The following UPF1 variants were observed in gnomAD, a reference collection of about 807,000 sequenced individuals.
UPF1 encodes the protein UPF1 RNA helicase and ATPase.
In UPF1, 9 loss-of-function variants were observed where a neutral mutation model predicts 129.2. The ratio of observed to expected loss-of-function variants is 0.07; its 90% CI spans 0.04 to 0.12. The LOEUF is 0.12. Among genes scored for constraint, UPF1 ranks in the 10% least tolerant of loss-of-function variants. The probability of loss-of-function intolerance (pLI) is 1.00; values close to 1 mark genes in which losing one functional copy is unlikely to be tolerated. For missense variants in UPF1, 788 were observed against 1,525.3 expected, an observed-to-expected ratio of 0.52 and a Z score of 8.05; for synonymous variants, 649 against 644.9, an observed-to-expected ratio of 1.01 and a Z score of -0.10.
At chr19:18,842,464 G>A (rs1274820159) in intron 1 of UPF1, among the ~76,000 whole-genome samples, 1 of 152,094 alleles carries the variant, frequency 6.6e-6, no homozygotes, top group African/African-American at 2.4e-5. Context: ...GCAGGGGGAT[G>A]TGATGGAGAG....
rs1285707869 is a variant in UPF1, at chr19:18,857,313, C to G, written c.1969-7C>G. 6.2e-7 allele frequency: 1 copy of G among 1,609,056 alleles called. No individual in the cohort carries two copies. Among genetic ancestry groups the G allele is most frequent in the South Asian group, 1.1e-5 (1 of 90,536 alleles). ...TTCTTGACTTGTGGGGGCCCCTGTT[C>G]CTACAGCTGATCCTTGTAGGCGACC... On this transcript the variant is annotated splice_region_variant and splice_polypyrimidine_tract_variant and intron_variant, in intron 14 of 23. Transcript: ENST00000262803.
chr19:18,854,513 A>G, intron 8 of UPF1, 88 bp from the exon 9 acceptor site: 1 of 1,075,350 alleles, frequency 9.3e-7, no homozygotes, highest in Non-Finnish European at 1.4e-6. Flanking sequence ...TAAATTTTAA[A>G]AACGCTGTTT....
chr19:18,860,994 C>T lies in UPF1; in HGVS notation c.2457+12C>T. 3.2e-6 allele frequency: 5 copies of T among 1,563,480 alleles called. No homozygotes were observed. Among genetic ancestry groups the T allele is most frequent in the Non-Finnish European group, 4.3e-6 (5 of 1,155,854 alleles). On this transcript the variant is annotated intron_variant, in intron 17 of 23. Coordinates refer to ENST00000262803, the MANE Select transcript of UPF1 (RefSeq NM_002911.4). ...CCAAGCTCTACCAGGTGCGCTGCGC[C>T]CTCGGGCACACTTGGTCTCCTGGGC... is the stretch of plus-strand genomic sequence containing the variant.
intron 13 of UPF1, among the ~76,000 whole-genome samples, 191 bp from the exon 14 acceptor site, chr19:18,856,686 G>A (rs535117457): frequency 6.6e-6 from 1 of 152,328 alleles, no homozygotes; most frequent in South Asian, 2.1e-4. Context: ...AAACATGACC[G>A]TTTAAGGATC....
intron 1 of UPF1, among the ~76,000 whole-genome samples, chr19:18,843,765 A>G (rs903235973): frequency 6.6e-6 from 1 of 151,168 alleles, no homozygotes; most frequent in Non-Finnish European, 1.5e-5. Context: ...TTGTTAAGAG[A>G]GACAGGGTCT....
chr19:18,852,369 G>A, intron 6 of UPF1, 73 bp downstream of exon 6: 2 of 1,573,820 alleles, frequency 1.3e-6, no homozygotes, highest in Non-Finnish European at 8.6e-7. Flanking sequence ...CTTCCAGAGG[G>A]AGGTTTTCTC....
At chr19:18,848,971 C>T (rs1035468523) in intron 3 of UPF1, 2 of 152,366 alleles carry the variant, frequency 1.3e-5, no homozygotes, top group African/African-American at 4.8e-5. Flanking sequence ...AAAAGGGCCT[C>T]TGAGAAACAA....
chr19:18,861,422 C>T (rs1440505771), intron 17 of UPF1, among the ~76,000 whole-genome samples: 1 of 152,194 alleles, frequency 6.6e-6, no homozygotes, highest in African/African-American at 2.4e-5. Context: ...GAAATGAGCC[C>T]AAGTGCTGAG....
At chr19:18,855,840 CCT>C in intron 11 of UPF1, 83 bp from the exon 12 acceptor site, 3 of 1,524,000 alleles carry the variant, frequency 2.0e-6, no homozygotes, top group Non-Finnish European at 2.6e-6. Flanking sequence ...AGAGCAAGAC[CCT>C]GTCTCAAAAA....
chr19:18,842,456 A>G (rs1279951920), intron 1 of UPF1, among the ~76,000 whole-genome samples: 1 of 151,970 alleles, frequency 6.6e-6, no homozygotes, highest in Admixed American at 6.6e-5. Flanking sequence ...GTCGGAGTGC[A>G]GGGGGATGTG....
intron 15 of UPF1, among the ~76,000 whole-genome samples, chr19:18,858,805 C>T (rs552034918): frequency 2.6e-5 from 4 of 152,264 alleles, no homozygotes; most frequent in African/African-American, 9.6e-5. Context: ...ATAACTAACA[C>T]GTAATGGGTT....
chr19:18,844,047 C>G (rs570590234), intron 1 of UPF1, among the ~76,000 whole-genome samples: 1 of 152,154 alleles, frequency 6.6e-6, no homozygotes, highest in Admixed American at 6.5e-5. Context: ...TTGAAGTGAC[C>G]TACTGTTGTG....
At chr19:18,834,185 A>G (rs969575828) in intron 1 of UPF1, among the ~76,000 whole-genome samples, 3 of 152,138 alleles carry the variant, frequency 2.0e-5, no homozygotes, top group Non-Finnish European at 2.9e-5. Context: ...TCCATGTGTG[A>G]GTCGACTGTA....
chr19:18,849,887 G>T (rs1037444918), intron 3 of UPF1, 188 bp from the exon 4 acceptor site: 5 of 647,520 alleles, frequency 7.7e-6, no homozygotes, highest in Non-Finnish European at 1.3e-5. Flanking sequence ...AGTTGGGATT[G>T]ATTTTTGTGC....
chr19:18,850,406 G>A lies in UPF1; in HGVS notation c.629+164G>A, dbSNP rs969895804. On this transcript the variant is annotated intron_variant, in intron 4 of 23. Coordinates refer to ENST00000262803, the MANE Select transcript of UPF1 (RefSeq NM_002911.4). This position sits in a 1 kb window ranked among gnomAD's most constrained non-coding sequence, Gnocchi z 7.1. Reference sequence around the variant, plus strand: ...GGCATGAGAGCGTTTAGGCGCTGAGGCTTGTTAAGGAGTCGGCAGTGCCGT... The same window carrying A: ...GGCATGAGAGCGTTTAGGCGCTGAGACTTGTTAAGGAGTCGGCAGTGCCGT... Among the ~76,000 whole-genome samples, 1 of 152,256 alleles carries A rather than the reference G, an allele frequency of 6.6e-6. No homozygotes were observed. The highest frequency in any genetic ancestry group is 1.5e-5 in the Non-Finnish European group (1 of 68,048).
At position 18,856,053 on chromosome 19, in the gene UPF1, T is replaced by G; in HGVS notation, c.1673T>G (p.Phe558Cys). 1.2e-6 allele frequency: 2 copies of G among 1,614,110 alleles called. No homozygotes were observed. The highest frequency in any genetic ancestry group is 1.7e-6 in the Non-Finnish European group (2 of 1,180,042). Reference protein sequence around the residue: ...SREAIDSPVSFLALHNQIRNM... With the variant: ...SREAIDSPVSCLALHNQIRNM... ...GAGGCCATCGACTCCCCGGTGTCTT[T>G]TCTGGCCCTGCACAACCAGATCAGG... Residue 558 changes from phenylalanine to cysteine, a missense_variant, in exon 12 of 24, where the codon TTT becomes TGT. Phe to Cys is a radical substitution (Grantham distance 205, BLOSUM62 -2). Around this residue, in one of 6 missense-constraint regions of UPF1, gnomAD observed 91 missense variants for 157.2 expected, o/e 0.58. Transcript: ENST00000262803.
At chr19:18,848,697 C>G (rs868080567) in intron 3 of UPF1, among the ~76,000 whole-genome samples, 3 of 151,968 alleles carry the variant, frequency 2.0e-5, no homozygotes, top group African/African-American at 7.3e-5. Flanking sequence ...AGTCAGATCT[C>G]GTGGCATCTC....
chr19:18,863,465 G>A lies in UPF1; in HGVS notation c.2628G>A (p.Pro876=), dbSNP rs757448554. The A allele has an allele frequency of 9.7e-5, 157 of 1,613,662 alleles. No homozygotes were observed. Among genetic ancestry groups the A allele is most frequent in the Middle Eastern group, 1.6e-4 (1 of 6,076 alleles). The stretch of plus-strand genomic sequence containing the variant: ...ATGGCGTCATCATTGTGGGCAACCC[G>A]AAGGCACTATCAAAGCAGCCGCTCT... ...ARYGVIIVGN[P]KALSKQPLWN... Residue 876 remains proline, a synonymous_variant, in exon 19 of 24, where the codon CCG becomes CCA. Coordinates refer to ENST00000262803, the MANE Select transcript of UPF1 (RefSeq NM_002911.4).
intron 1 of UPF1, among the ~76,000 whole-genome samples, chr19:18,843,024 C>T (rs1398391597): frequency 6.6e-6 from 1 of 152,152 alleles, no homozygotes; most frequent in African/African-American, 2.4e-5. Context: ...TGGGGCCTCA[C>T]TATCTTGCCC....
Sources: allele counts gnomAD v4.1 joint callset (sites outside exome capture counted in the v4.1 genomes callset), GRCh38; gene constraint gnomAD v4.1.1; regional missense constraint gnomAD v4.1.1; non-coding constraint Gnocchi (gnomAD v3.1); transcripts MANE v1.5; gene names NCBI Gene and HGNC (gene_info 2026-07-23, HGNC 2026-07-21).